CHCHD6: variants seen among roughly 807,000 people sequenced by gnomAD.
CHCHD6 encodes the protein MICOS complex subunit MIC25.
A neutral mutation model predicts 32.3 loss-of-function variants in CHCHD6; 28 were observed. The ratio of observed to expected loss-of-function variants is 0.87; its 90% confidence interval spans 0.64 to 1.19. The LOEUF is 1.19. Ranked by LOEUF, CHCHD6 falls within the 50% of genes most tolerant of loss-of-function variation. CHCHD6 has a pLI of 0.00. For synonymous variants in CHCHD6, 122 were observed against 117.5 expected (o/e 1.04, Z -0.25); for missense variants, 333 against 307.0 (o/e 1.08, Z -0.63).
At chr3:126,933,636 A>G (rs2107599642) in intron 6 of CHCHD6, among the ~76,000 whole-genome samples, 1 of 152,262 alleles carries the variant, frequency 6.6e-6, no homozygotes, top group Middle Eastern at 3.4e-3. Context: ...GCTCATTACC[A>G]TGGGGAGGGC....
chr3:126,869,267 G>A (rs1473288531), intron 5 of CHCHD6, among the ~76,000 whole-genome samples: 1 of 145,464 alleles, frequency 6.9e-6, no homozygotes, highest in African/African-American at 2.5e-5. Flanking sequence ...GCATTATCAG[G>A]TCTCTTTGCA....
intron 4 of CHCHD6, among the ~76,000 whole-genome samples, chr3:126,829,167 A>G (rs1940529871): frequency 6.6e-6 from 1 of 152,092 alleles, no homozygotes; most frequent in South Asian, 2.1e-4. Context: ...ATTTTGCCCT[A>G]TATGTATGTA....
At chr3:126,787,598 T>C (rs1414399274) in intron 4 of CHCHD6, among the ~76,000 whole-genome samples, 1 of 151,796 alleles carries the variant, frequency 6.6e-6, no homozygotes, top group African/African-American at 2.4e-5. Context: ...TTGTGAATGG[T>C]AGTTCACTCA....
intron 6 of CHCHD6, among the ~76,000 whole-genome samples, chr3:126,944,148 G>A (rs922922315): frequency 6.6e-6 from 1 of 152,260 alleles, no homozygotes; most frequent in Non-Finnish European, 1.5e-5. Context: ...GGCAATAGGC[G>A]CTGAGCTGTG....
intron 4 of CHCHD6, among the ~76,000 whole-genome samples, chr3:126,739,326 G>C (rs1360640413): frequency 6.6e-6 from 1 of 151,140 alleles, no homozygotes. Context: ...AGTCACATGT[G>C]GTCTTTGCCA....
intron 6 of CHCHD6, among the ~76,000 whole-genome samples, chr3:126,926,707 G>A (rs752480669): frequency 2.6e-5 from 4 of 152,176 alleles, no homozygotes; most frequent in Admixed American, 6.5e-5. Context: ...TAAAGAATTC[G>A]AGATTCATCC....
At chr3:126,786,211 T>C (rs1000695303) in intron 4 of CHCHD6, among the ~76,000 whole-genome samples, 14 of 152,376 alleles carry the variant, frequency 9.2e-5, no homozygotes, top group Admixed American at 4.6e-4. Context: ...CCACATTTTC[T>C]TAATCCAGTC....
chr3:126,830,871 T>C (rs1351791733), intron 4 of CHCHD6, among the ~76,000 whole-genome samples: 2 of 152,170 alleles, frequency 1.3e-5, no homozygotes, highest in Non-Finnish European at 2.9e-5. Flanking sequence ...ACCTGCCTTT[T>C]CTGGCCTCAT....
intron 4 of CHCHD6, among the ~76,000 whole-genome samples, chr3:126,837,093 G>A (rs958170299): frequency 6.6e-6 from 1 of 152,168 alleles, no homozygotes; most frequent in Admixed American, 6.5e-5. Context: ...AACTTTATTA[G>A]ACATTGCAGA....
intron 5 of CHCHD6, among the ~76,000 whole-genome samples, chr3:126,910,923 G>A (rs1243966603): frequency 6.6e-6 from 1 of 152,202 alleles, no homozygotes; most frequent in African/African-American, 2.4e-5. Context: ...GCCCTGACAA[G>A]GACGGGGTGC....
At chr3:126,933,155 C>G (rs573023132) in intron 6 of CHCHD6, among the ~76,000 whole-genome samples, 2 of 152,200 alleles carry the variant, frequency 1.3e-5, no homozygotes, top group East Asian at 3.9e-4. Context: ...TCTCTAAGAC[C>G]CTTCTGGAAT....
At chr3:126,741,917 C>T (rs749365201) in intron 4 of CHCHD6, among the ~76,000 whole-genome samples, 1 of 152,154 alleles carries the variant, frequency 6.6e-6, no homozygotes, top group Non-Finnish European at 1.5e-5. Flanking sequence ...TGATTCTGAT[C>T]GCTTCCCCTG....
At chr3:126,875,054 A>G (rs1381018052) in intron 5 of CHCHD6, among the ~76,000 whole-genome samples, 1 of 152,072 alleles carries the variant, frequency 6.6e-6, no homozygotes, top group African/African-American at 2.4e-5. Flanking sequence ...CAGCCTAGCC[A>G]TTGCCTCCTC....
At chr3:126,945,467 G>C (rs540141080) in intron 6 of CHCHD6, among the ~76,000 whole-genome samples, 23 of 149,482 alleles carry the variant, frequency 1.5e-4, no homozygotes, top group Non-Finnish European at 3.0e-5. Flanking sequence ...TGGGAGCGGG[G>C]AAAGTCGGGA....
At chr3:126,848,060 G>A (rs2107550095) in intron 4 of CHCHD6, among the ~76,000 whole-genome samples, 1 of 152,248 alleles carries the variant, frequency 6.6e-6, no homozygotes, top group Admixed American at 6.5e-5. Context: ...ACTCACCGCA[G>A]CCTCAAACTC....
At chr3:126,786,804 G>C (rs1398791037) in intron 4 of CHCHD6, among the ~76,000 whole-genome samples, 1 of 152,060 alleles carries the variant, frequency 6.6e-6, no homozygotes, top group African/African-American at 2.4e-5. Flanking sequence ...AGTTTCTTTT[G>C]CTGTGCAGAA....
intron 5 of CHCHD6, among the ~76,000 whole-genome samples, chr3:126,887,418 C>G (rs2077693435): frequency 6.6e-6 from 1 of 152,112 alleles, no homozygotes; most frequent in Admixed American, 6.5e-5. Context: ...AGATTTAGTG[C>G]CATTGTTTCT....
At chr3:126,739,934 A>T (rs1559815790) in intron 4 of CHCHD6, among the ~76,000 whole-genome samples, 2 of 152,286 alleles carry the variant, frequency 1.3e-5, no homozygotes, top group East Asian at 3.9e-4. Flanking sequence ...GGTGCTGGTC[A>T]TCATATGCAG....
intron 4 of CHCHD6, among the ~76,000 whole-genome samples, chr3:126,842,934 G>T (rs556003470): frequency 6.7e-6 from 1 of 149,592 alleles, no homozygotes; most frequent in African/African-American, 2.5e-5. Context: ...AAATATGTCT[G>T]TTAAACCAAC....
Sources: allele counts gnomAD v4.1 joint callset (sites outside exome capture counted in the v4.1 genomes callset), GRCh38; gene constraint gnomAD v4.1.1; transcripts MANE v1.5; gene names NCBI Gene and HGNC (gene_info 2026-07-23, HGNC 2026-07-21).